The following THSD4 variants were observed in gnomAD, a reference collection of about 807,000 sequenced individuals.
THSD4 encodes thrombospondin type-1 domain-containing protein 4.
In THSD4, 69 loss-of-function variants were observed where a neutral mutation model predicts 119.0. The ratio of observed to expected loss-of-function variants is 0.58; its 90% CI spans 0.48 to 0.71. THSD4 has a LOEUF of 0.71. THSD4 is among the 30% of genes least tolerant of loss of function. THSD4 has a pLI of 0.00. For synonymous variants in THSD4, 524 were observed against 540.4 expected, an observed-to-expected ratio of 0.97 and a Z score of 0.42; for missense variants, 1,393 against 1,391.1, an observed-to-expected ratio of 1.00 and a Z score of -0.02.
chr15:71,732,390 T>G (rs1450969833), intron 10 of THSD4: 1 of 152,244 alleles, frequency 6.6e-6, no homozygotes, highest in Non-Finnish European at 1.5e-5. Context: ...AGCAGGCAGC[T>G]TTCTCTCGGC....
chr15:71,532,509 G>T (rs113512810), intron 7 of THSD4, among the ~76,000 whole-genome samples: 1 of 151,632 alleles, frequency 6.6e-6, no homozygotes, highest in Non-Finnish European at 1.5e-5. Flanking sequence ...TAGAGACGAG[G>T]TTTCACCATG....
chr15:71,215,528 A>G, intron 4 of THSD4, 129 bp downstream of exon 4: 1 of 1,033,964 alleles, frequency 9.7e-7, no homozygotes, highest in Non-Finnish European at 1.3e-6. Context: ...GCCAGGTGGC[A>G]AGGAGCTCTG....
At chr15:71,265,221 G>A (rs1169263615) in intron 6 of THSD4, among the ~76,000 whole-genome samples, 1 of 152,066 alleles carries the variant, frequency 6.6e-6, no homozygotes, top group Non-Finnish European at 1.5e-5. Flanking sequence ...AATGCAGAAG[G>A]CAGGTGATTT....
Position 71,115,788 on chromosome 15 carries a change from C to G in THSD4, c.-80+90C>G, listed in dbSNP as rs1278492579. ...CTGCCCAGGCTCCGGCTCCCGCTCTCTGGCCGGCGGGGCGGGCTGGCGCGG... is the reference window on the plus strand; with the variant it reads ...CTGCCCAGGCTCCGGCTCCCGCTCTGTGGCCGGCGGGGCGGGCTGGCGCGG... On this transcript the variant is annotated intron_variant, in intron 1 of 17. Coordinates refer to ENST00000261862, the MANE Select transcript of THSD4 (RefSeq NM_024817.3). The surrounding 1 kb of genome is among the most constrained non-coding windows in gnomAD (Gnocchi z 4.4). The G allele has an allele frequency of 6.7e-6, 1 of 150,264 alleles. No individual in the cohort carries two copies. The highest frequency in any genetic ancestry group is 1.5e-5 in the Non-Finnish European group (1 of 67,382). 9.3% of individuals were successfully genotyped at this position (150,264 alleles called of 1,614,324 possible).
chr15:71,387,721 A>T (rs1293597334), intron 6 of THSD4, among the ~76,000 whole-genome samples: 3 of 152,246 alleles, frequency 2.0e-5, no homozygotes, highest in African/African-American at 7.2e-5. Context: ...TTGTAAGTAT[A>T]TACAACAAAG....
At chr15:71,380,400 A>C (rs1449584231) in intron 6 of THSD4, among the ~76,000 whole-genome samples, 7 of 152,090 alleles carry the variant, frequency 4.6e-5, no homozygotes, top group East Asian at 1.9e-4. Context: ...CAGTTGAATA[A>C]TTTTTTATAT....
At chr15:71,372,729 C>T (rs931201738) in intron 6 of THSD4, among the ~76,000 whole-genome samples, 3 of 152,238 alleles carry the variant, frequency 2.0e-5, no homozygotes, top group African/African-American at 7.2e-5. Flanking sequence ...GGGTCAGGGA[C>T]CCACTTGAGG....
At chr15:71,517,926 G>T (rs923941762) in intron 7 of THSD4, among the ~76,000 whole-genome samples, 1 of 152,226 alleles carries the variant, frequency 6.6e-6, no homozygotes, top group African/African-American at 2.4e-5. Flanking sequence ...GTTACTGGAG[G>T]TCCCCCAGAG....
intron 3 of THSD4, among the ~76,000 whole-genome samples, chr15:71,173,813 A>G (rs1355458807): frequency 6.6e-6 from 1 of 152,122 alleles, no homozygotes; most frequent in Non-Finnish European, 1.5e-5. Context: ...ACTGACAGCC[A>G]TGGAGACCAA....
At position 71,747,167 on chromosome 15, in the gene THSD4, G is replaced by A; in HGVS notation, c.2241+125G>A. On this transcript the variant is annotated intron_variant, in intron 13 of 17. Transcript: ENST00000261862. ...CACAGGAGGGAACCCGTCCCGTGGG[G>A]GTCTGGACGGCTGTTTTTGCAAACC... 4.5e-6 allele frequency: 5 copies of A among 1,120,182 alleles called. No individual in the cohort carries two copies. In the South Asian group the frequency reaches 7.5e-5, roughly 17 times the overall value. The allele number at this position is 1,120,182 out of a possible 1,614,324, so 69.4% of individuals were successfully genotyped here.
chr15:71,340,485 C>T (rs2045551575), intron 6 of THSD4, among the ~76,000 whole-genome samples: 1 of 152,134 alleles, frequency 6.6e-6, no homozygotes, highest in African/African-American at 2.4e-5. Context: ...CCGTGTGACC[C>T]ATTTTCCGCT....
intron 8 of THSD4, among the ~76,000 whole-genome samples, chr15:71,663,950 C>T (rs2051361972): frequency 6.6e-6 from 1 of 152,056 alleles, no homozygotes; most frequent in Admixed American, 6.5e-5. Flanking sequence ...GAAATGAATA[C>T]TTCACATTTG....
chr15:71,660,570 T>C lies in THSD4; in HGVS notation c.1193T>C (p.Val398Ala). 1 of 1,614,152 alleles carries C rather than the reference T, an allele frequency of 6.2e-7. No homozygotes were observed. Among genetic ancestry groups the C allele is most frequent in the Admixed American group, 1.7e-5 (1 of 60,014 alleles). The change falls in exon 8 of 18, where the codon GTG becomes GCG. Residue 398 changes from valine (V) to alanine (A), a missense_variant. Physicochemically the swap from Val to Ala is moderately conservative, Grantham distance 64. Transcript: ENST00000261862. ...GACTACTTAGGCTCCGACAAAGTCG[T>C]GGACAAATGTGGGGTGTGTGGAGGA... ...CDDYLGSDKV[V>A]DKCGVCGGDN...
intron 7 of THSD4, among the ~76,000 whole-genome samples, chr15:71,637,571 A>G (rs1373569688): frequency 6.6e-6 from 1 of 152,138 alleles, no homozygotes; most frequent in Non-Finnish European, 1.5e-5. Context: ...GTAGCAGTCT[A>G]TGGCAGAAGG....
chr15:71,426,627 A>G (rs1384281022), intron 7 of THSD4, among the ~76,000 whole-genome samples: 2 of 152,170 alleles, frequency 1.3e-5, no homozygotes, highest in Non-Finnish European at 1.5e-5. Flanking sequence ...AGATATTTGC[A>G]TGATTTCACC....
intron 8 of THSD4, among the ~76,000 whole-genome samples, chr15:71,710,778 A>G (rs180905459): frequency 6.6e-6 from 1 of 152,256 alleles, no homozygotes; most frequent in South Asian, 2.1e-4. Flanking sequence ...TTACAATTTC[A>G]TGGTACGTTC....
Position 71,780,781 on chromosome 15 carries a change from CA to C in THSD4, c.*3408del, listed in dbSNP as rs1567151169. 2 of 455,972 alleles carry C rather than the reference CA, an allele frequency of 4.4e-6. No individual in the cohort carries two copies. Among genetic ancestry groups the C allele is most frequent in the Non-Finnish European group, 8.8e-6 (2 of 226,750 alleles). The allele number at this position is 455,972 out of a possible 1,614,324, so 28.2% of individuals were successfully genotyped here. A position where few individuals can be genotyped will look rare whatever the true frequency, so the allele number is the denominator to read the frequency against. On this transcript the variant is annotated 3_prime_UTR_variant, in exon 18 of 18. Transcript: ENST00000261862. ...TTTTTTCTTTATTTTCTTATGTACT[CA>C]TCTACTTATTCTCAAAGTATTTAGC...
chr15:71,118,990 G>C (rs2040386839), intron 1 of THSD4, among the ~76,000 whole-genome samples: 1 of 152,146 alleles, frequency 6.6e-6, no homozygotes, highest in Non-Finnish European at 1.5e-5. Context: ...ACTTACTTCT[G>C]TGCCCACAGC....
chr15:71,573,356 G>A (rs1322989422), intron 7 of THSD4, among the ~76,000 whole-genome samples: 4 of 152,130 alleles, frequency 2.6e-5, no homozygotes, highest in Non-Finnish European at 5.9e-5. Context: ...CATTTAGGAG[G>A]GACGTGGGTG....
Sources: gnomAD v4.1 joint callset for allele counts (sites outside exome capture counted in the v4.1 genomes callset) on GRCh38, gnomAD v4.1.1 for gene constraint, Gnocchi (gnomAD v3.1) non-coding constraint, MANE v1.5 for transcripts, NCBI Gene and HGNC (gene_info 2026-07-23, HGNC 2026-07-21) for gene names.